ERBB4: variants seen among roughly 807,000 people sequenced by gnomAD.
ERBB4 encodes the protein erb-b2 receptor tyrosine kinase 4.
ERBB4 carries 42 observed loss-of-function variants against 158.0 expected under a neutral mutation model. The observed-to-expected ratio is 0.27, with a 90% CI of 0.21 to 0.34. The LOEUF (loss-of-function observed/expected upper bound fraction) is 0.34. Among genes scored for constraint, ERBB4 ranks in the 10% least tolerant of loss-of-function variants. The pLI is 1.00. For missense variants in ERBB4, 1,333 were observed against 1,624.1 expected (o/e 0.82, Z 3.08); for synonymous variants, 583 against 558.7 (o/e 1.04, Z -0.61).
Position 211,813,608 on chromosome 2 carries a change from CTT to C in ERBB4, c.422-25451_422-25450del, listed in dbSNP as rs1347337598. Among the ~76,000 whole-genome samples, 23 of 152,140 alleles carry C rather than the reference CTT, an allele frequency of 1.5e-4. No homozygotes were observed. In the South Asian group the frequency reaches 2.9e-3, roughly 19 times the overall value. On this transcript the variant is annotated intron_variant, in intron 3 of 27. Coordinates refer to ENST00000342788, the MANE Select transcript of ERBB4 (RefSeq NM_005235.3). ...AATCATGTCATTATTTTAAATAACACTTTTTTTCTGGGAGTTTTTTTCCCCTT... is the reference window on the plus strand; with the variant it reads ...AATCATGTCATTATTTTAAATAACACTTTTTCTGGGAGTTTTTTTCCCCTT...
At chr2:211,692,598 G>GGCGTTGGCTTGC (rs1460686356) in intron 12 of ERBB4, among the ~76,000 whole-genome samples, 1 of 152,080 alleles carries the variant, frequency 6.6e-6, no homozygotes, top group African/African-American at 2.4e-5. Flanking sequence ...AGACCCCTTT[G>GGCGTTGGCTTGC]GCGTTGGCTT....
At chr2:211,428,150 C>A (rs1401748526) in intron 22 of ERBB4, among the ~76,000 whole-genome samples, 1 of 151,776 alleles carries the variant, frequency 6.6e-6, no homozygotes, top group Non-Finnish European at 1.5e-5. Flanking sequence ...TACAGCAAAC[C>A]ACCATGCCAC....
intron 1 of ERBB4, among the ~76,000 whole-genome samples, chr2:212,462,100 C>T (rs1688607201): frequency 6.6e-6 from 1 of 152,090 alleles, no homozygotes; most frequent in African/African-American, 2.4e-5. Context: ...TATACAAAAA[C>T]CAACTTTATC....
At chr2:212,371,489 C>T (rs976897946) in intron 1 of ERBB4, among the ~76,000 whole-genome samples, 1 of 152,144 alleles carries the variant, frequency 6.6e-6, no homozygotes, top group Non-Finnish European at 1.5e-5. Context: ...TTGAATTAAA[C>T]AAATATGCAT....
At chr2:211,503,959 A>G (rs552581901) in intron 20 of ERBB4, among the ~76,000 whole-genome samples, 1 of 152,230 alleles carries the variant, frequency 6.6e-6, no homozygotes, top group South Asian at 2.1e-4. Context: ...AACCTGGAAC[A>G]TCCTGGAGCT....
At chr2:211,551,091 A>G (rs2067083486) in intron 20 of ERBB4, among the ~76,000 whole-genome samples, 1 of 152,030 alleles carries the variant, frequency 6.6e-6, no homozygotes, top group Non-Finnish European at 1.5e-5. Flanking sequence ...AAAATTAAAC[A>G]CTGTATCTCC....
intron 18 of ERBB4, among the ~76,000 whole-genome samples, chr2:211,621,260 G>C (rs1235116497): frequency 6.6e-6 from 1 of 150,436 alleles, no homozygotes; most frequent in Non-Finnish European, 1.5e-5. Context: ...GGACTGACTA[G>C]TTAAAAATTT....
intron 2 of ERBB4, among the ~76,000 whole-genome samples, chr2:212,076,127 AT>A (rs1348467220): frequency 6.6e-6 from 1 of 151,908 alleles, no homozygotes; most frequent in East Asian, 1.9e-4. Flanking sequence ...TGATGAATCT[AT>A]TATGTAATTT....
At chr2:212,462,293 A>G (rs1359302320) in intron 1 of ERBB4, among the ~76,000 whole-genome samples, 1 of 152,226 alleles carries the variant, frequency 6.6e-6, no homozygotes, top group Non-Finnish European at 1.5e-5. Flanking sequence ...CTGCATAGTA[A>G]AAGAAACAAC....
chr2:212,319,878 G>A (rs1025464551), intron 1 of ERBB4, among the ~76,000 whole-genome samples: 3 of 150,070 alleles, frequency 2.0e-5, no homozygotes, highest in African/African-American at 7.3e-5. Flanking sequence ...ACATTATCAA[G>A]ATAACTTCAT....
Position 211,928,910 on chromosome 2 carries a change from G to T in ERBB4, c.421+18520C>A, listed in dbSNP as rs146014707. Among the ~76,000 whole-genome samples the T allele has an allele frequency of 8.1e-4, 124 of 152,252 alleles. No individual in the cohort carries two copies. In the East Asian group the frequency reaches 0.022, roughly 27 times the overall value. ...AGGTGTAAGTTTGGGGTGACACAAA[G>T]CCTGATTTCAACCTTTAATGAGATG... On this transcript the variant is annotated intron_variant, in intron 3 of 27. Transcript: ENST00000342788.
intron 1 of ERBB4, among the ~76,000 whole-genome samples, chr2:212,432,402 G>A (rs1328634878): frequency 3.3e-5 from 5 of 152,050 alleles, no homozygotes; most frequent in Non-Finnish European, 7.4e-5. Context: ...TGATTAAATA[G>A]TAAATAGTTA....
At chr2:211,410,347 C>T (rs566262162) in intron 25 of ERBB4, among the ~76,000 whole-genome samples, 7 of 152,240 alleles carry the variant, frequency 4.6e-5, no homozygotes, top group South Asian at 2.1e-4. Flanking sequence ...TGATTTACCA[C>T]GCTATGAGAA....
intron 2 of ERBB4, among the ~76,000 whole-genome samples, chr2:212,056,535 C>T (rs1340717603): frequency 4.6e-5 from 7 of 152,150 alleles, no homozygotes; most frequent in African/African-American, 9.7e-5. Flanking sequence ...AGAGAAAGGT[C>T]GGGTTACCCA....
At chr2:211,471,478 C>T (rs1048570353) in intron 20 of ERBB4, among the ~76,000 whole-genome samples, 5 of 152,020 alleles carry the variant, frequency 3.3e-5, no homozygotes, top group African/African-American at 1.2e-4. Context: ...TATTTACATT[C>T]AATATATGTG....
At chr2:211,624,119 CTCTCTT>C in intron 17 of ERBB4, 75 bp from the exon 18 acceptor site, 1 of 1,571,804 alleles carries the variant, frequency 6.4e-7, no homozygotes, top group African/African-American at 1.4e-5. Flanking sequence ...CTCTCTCTCT[CTCTCTT>C]TGGTTCTCTT....
intron 2 of ERBB4, among the ~76,000 whole-genome samples, chr2:211,968,567 G>A (rs2081367903): frequency 6.6e-6 from 1 of 151,882 alleles, no homozygotes; most frequent in South Asian, 2.1e-4. Context: ...TCCAATTGTT[G>A]CAGATATATT....
intron 16 of ERBB4, among the ~76,000 whole-genome samples, chr2:211,639,756 C>T (rs1439157520): frequency 6.6e-6 from 1 of 152,070 alleles, no homozygotes; most frequent in African/African-American, 2.4e-5. Context: ...GAGTCTTACT[C>T]TGTTCCCCAG....
chr2:211,420,909 ATAATT>A (rs1471819926), intron 24 of ERBB4, among the ~76,000 whole-genome samples: 2 of 152,018 alleles, frequency 1.3e-5, no homozygotes, highest in Non-Finnish European at 2.9e-5. Context: ...AGGTCTGAAA[ATAATT>A]GTTCATTGCC....
Sources: allele counts gnomAD v4.1 joint callset (sites outside exome capture counted in the v4.1 genomes callset), GRCh38; gene constraint gnomAD v4.1.1; transcripts MANE v1.5; gene names NCBI Gene and HGNC (gene_info 2026-07-23, HGNC 2026-07-21).